CSMD1: variants seen among roughly 807,000 people sequenced by gnomAD.
The protein encoded by CSMD1 is CUB and Sushi multiple domains 1.
CSMD1 carries 213 observed loss-of-function variants against 417.5 expected under a neutral mutation model. That is an observed-to-expected ratio of 0.51 (90% CI 0.46 to 0.57). The LOEUF is 0.57. Among genes scored for constraint, CSMD1 ranks in the 20% least tolerant of loss-of-function variants. The probability of loss-of-function intolerance (pLI) is 0.00; values close to 1 mark genes in which losing one functional copy is unlikely to be tolerated. For missense variants in CSMD1, 6,923 were observed against 4,529.7 expected, an observed-to-expected ratio of 1.53 and a Z score of -15.17; for synonymous variants, 2,862 against 1,736.8, an observed-to-expected ratio of 1.65 and a Z score of -16.11.
rs35755010 is a variant in CSMD1, at chr8:3,685,731, CTT to C, written c.1009+22681_1009+22682del. 3.3e-5 allele frequency among the ~76,000 whole-genome samples: 5 copies of C among 151,182 alleles called. No individual in the cohort carries two copies. The South Asian group carries it at 6.3e-4, about 19-fold the overall frequency. ...TAAGATCAGAAGGGTCAATTTCTTT[CTT>C]TTTTTTTATAACATGTTTTATTGCT... On this transcript the variant is annotated intron_variant, in intron 7 of 69. Coordinates refer to ENST00000635120, the MANE Select transcript of CSMD1 (RefSeq NM_033225.6).
chr8:2,968,577 G>C (rs1240195941), intron 57 of CSMD1, among the ~76,000 whole-genome samples: 1 of 152,038 alleles, frequency 6.6e-6, no homozygotes, highest in East Asian at 1.9e-4. Context: ...TTCATGATTA[G>C]TTTTTTTCTC....
At chr8:4,346,081 G>A (rs11985125) in intron 3 of CSMD1, among the ~76,000 whole-genome samples, 2 of 151,908 alleles carry the variant, frequency 1.3e-5, no homozygotes, top group African/African-American at 4.8e-5. Flanking sequence ...GTGTGAATAC[G>A]AAAGTACTAC....
intron 4 of CSMD1, among the ~76,000 whole-genome samples, chr8:4,030,078 C>G (rs1797263021): frequency 6.6e-6 from 1 of 152,186 alleles, no homozygotes; most frequent in Non-Finnish European, 1.5e-5. Context: ...TACAGCTTCC[C>G]TCCTGGATGC....
intron 1 of CSMD1, among the ~76,000 whole-genome samples, chr8:4,993,466 G>A (rs1312418612): frequency 1.3e-5 from 2 of 148,544 alleles, no homozygotes; most frequent in Admixed American, 6.7e-5. Flanking sequence ...AAGTACACAA[G>A]CTATTGCCAG....
At chr8:3,295,081 CAT>C (rs761728512) in intron 25 of CSMD1, among the ~76,000 whole-genome samples, 9 of 152,146 alleles carry the variant, frequency 5.9e-5, no homozygotes, top group East Asian at 1.9e-4. Context: ...TATTACTTGA[CAT>C]GTGTGTGCTT....
At chr8:4,618,635 T>G (rs572852874) in intron 2 of CSMD1, among the ~76,000 whole-genome samples, 12 of 152,262 alleles carry the variant, frequency 7.9e-5, no homozygotes, top group African/African-American at 2.9e-4. Context: ...AATGAATGCC[T>G]TGGGAAACCG....
intron 49 of CSMD1, among the ~76,000 whole-genome samples, chr8:3,069,035 C>A (rs1201041649): frequency 1.3e-5 from 2 of 152,062 alleles, no homozygotes; most frequent in Admixed American, 1.3e-4. Context: ...AAATCCCTTC[C>A]ATTTATGAAC....
In CSMD1 at chr8:4,992,535, A is replaced by C. The variant is rs991163951; in HGVS notation, c.85+1797T>G. Among the ~76,000 whole-genome samples, 4 of 152,168 alleles carry C rather than the reference A, an allele frequency of 2.6e-5. 1 individual carries two copies. The highest frequency in any genetic ancestry group is 9.7e-5 in the African/African-American group (4 of 41,440). On this transcript the variant is annotated intron_variant, in intron 1 of 69. Coordinates refer to ENST00000635120, the MANE Select transcript of CSMD1 (RefSeq NM_033225.6). ...CGTGGCAGGTGTTTCCTCTCCACGC[A>C]GGGGCTCGGCTGGAAAAAGCCAGGT...
At chr8:3,399,270 G>C (rs990241961) in intron 16 of CSMD1, 121 bp downstream of exon 16, 2 of 816,824 alleles carry the variant, frequency 2.4e-6, no homozygotes, top group Non-Finnish European at 3.8e-6. Context: ...TTCTGGTAAA[G>C]TGTGCTCCTA....
chr8:4,907,807 C>G (rs1320417500), intron 1 of CSMD1, among the ~76,000 whole-genome samples: 1 of 151,778 alleles, frequency 6.6e-6, no homozygotes, highest in African/African-American at 2.4e-5. Flanking sequence ...CTCAAGCAAT[C>G]CTCTTTCCTC....
chr8:4,039,554 C>T (rs1289968534), intron 3 of CSMD1, among the ~76,000 whole-genome samples: 1 of 152,062 alleles, frequency 6.6e-6, no homozygotes, highest in African/African-American at 2.4e-5. Flanking sequence ...TGAGGACCTC[C>T]CAGGAGGTGG....
At chr8:3,347,318 G>A (rs1203738505) in intron 22 of CSMD1, among the ~76,000 whole-genome samples, 2 of 152,210 alleles carry the variant, frequency 1.3e-5, no homozygotes, top group East Asian at 3.9e-4. Flanking sequence ...TTACAGGAGA[G>A]GTGAAAATTA....
At chr8:3,995,246 A>T (rs1815113029) in intron 5 of CSMD1, among the ~76,000 whole-genome samples, 1 of 152,086 alleles carries the variant, frequency 6.6e-6, no homozygotes, top group Non-Finnish European at 1.5e-5. Flanking sequence ...TATTTAGGAG[A>T]ACCATCTTTT....
Position 3,985,795 on chromosome 8 carries a change from G to A in CSMD1, c.818+12108C>T, listed in dbSNP as rs555112071. 8.8e-5 allele frequency among the ~76,000 whole-genome samples: 13 copies of A among 147,688 alleles called. No homozygotes were observed. The East Asian group carries it at 2.0e-3, about 23-fold the overall frequency. On this transcript the variant is annotated intron_variant, in intron 5 of 69. Transcript: ENST00000635120. ...TTTTGAGATGGAGTCTCACCCTGTC[G>A]CCCAGATTGGACAGGGTGAGACAGC... is the stretch of plus-strand genomic sequence containing the variant.
intron 5 of CSMD1, among the ~76,000 whole-genome samples, chr8:3,854,713 G>A (rs781124120): frequency 4.6e-5 from 7 of 151,036 alleles, no homozygotes; most frequent in Admixed American, 2.0e-4. Context: ...ATGAGACAGC[G>A]GGGGAAATGA....
Position 4,361,619 on chromosome 8 carries a change from C to G in CSMD1, c.415+58334G>C, listed in dbSNP as rs1563093993. On this transcript the variant is annotated intron_variant, in intron 3 of 69. Coordinates refer to ENST00000635120, the MANE Select transcript of CSMD1 (RefSeq NM_033225.6). ...CCTATTTTATACTCCCAACTCTCTG[C>G]TTTGCTGTCCCTTTTGTTTTGTTTT... Among the ~76,000 whole-genome samples the G allele has an allele frequency of 2.0e-5, 3 of 152,164 alleles. No homozygotes were observed. In the South Asian group the frequency reaches 6.2e-4, roughly 31 times the overall value.
At chr8:4,966,992 T>C (rs977346479) in intron 1 of CSMD1, among the ~76,000 whole-genome samples, 1 of 152,202 alleles carries the variant, frequency 6.6e-6, no homozygotes, top group Non-Finnish European at 1.5e-5. Flanking sequence ...TTATGTCATT[T>C]TGTACTTCTG....
rs1044891031 is a variant in CSMD1 at position 4,624,873 on chromosome 8, CG to C, written c.302+12468del. Among the ~76,000 whole-genome samples, 5 of 152,054 alleles carry C rather than the reference CG, an allele frequency of 3.3e-5. 1 individual carries two copies. The highest frequency in any genetic ancestry group is 2.0e-4 in the Admixed American group (3 of 15,262). On this transcript the variant is annotated intron_variant, in intron 2 of 69. Coordinates refer to ENST00000635120, the MANE Select transcript of CSMD1 (RefSeq NM_033225.6). ...CTTTCAAATTACATTCGTTTCCATT[CG>C]GGGTGGTGGGCAGAGAAGGCACTGG...
chr8:3,564,686 C>A (rs1256823889), intron 10 of CSMD1, among the ~76,000 whole-genome samples: 2 of 151,972 alleles, frequency 1.3e-5, no homozygotes, highest in African/African-American at 4.8e-5. Flanking sequence ...GAAAATCAAT[C>A]CAGCAGAAAG....
Sources: gnomAD v4.1 joint callset for allele counts (sites outside exome capture counted in the v4.1 genomes callset) on GRCh38, gnomAD v4.1.1 for gene constraint, MANE v1.5 for transcripts, NCBI Gene and HGNC (gene_info 2026-07-23, HGNC 2026-07-21) for gene names.